Variants in KMT2C observed in about 807,000 individuals in gnomAD.
The protein encoded by KMT2C is histone-lysine N-methyltransferase 2C.
Under a neutral mutation model 507.9 loss-of-function variants are expected in KMT2C, and 88 were observed. That is an observed-to-expected ratio of 0.17 (90% CI 0.15 to 0.21). The LOEUF is 0.21. Ranked by LOEUF, KMT2C falls within the 10% of genes least tolerant of loss-of-function variation. The pLI is 1.00. For synonymous variants in KMT2C, 2,049 were observed against 2,080.8 expected (o/e 0.98, Z 0.42); for missense variants, 4,954 against 5,957.8 (o/e 0.83, Z 5.55).
rs1563479395 is a variant in KMT2C, at chr7:152,226,218, C to CATTTTTTTTTTTTTTTTTTTTTTTTTTTT, written c.2977-1603_2977-1602insAAAAAAAAAAAAAAAAAAAAAAAAAAAAT. Among the ~76,000 whole-genome samples the CATTTTTTTTTTTTTTTTTTTTTTTTTTTT allele has an allele frequency of 2.3e-5, 3 of 128,026 alleles. 1 individual carries two copies. The highest frequency in any genetic ancestry group is 9.7e-5 in the African/African-American group (3 of 30,954). The allele number at this position is 128,026 out of a possible 152,430, so 84.0% of individuals were successfully genotyped here. A position where few individuals can be genotyped will look rare whatever the true frequency, so the allele number is the denominator to read the frequency against. On this transcript the variant is annotated intron_variant, in intron 18 of 58. Coordinates refer to ENST00000262189, the MANE Select transcript of KMT2C (RefSeq NM_170606.3). Reference sequence around the variant, plus strand: ...CAAGAGTTGGTTGTTCATTACAAGGCCTTTTTTTTTTTTTTTTTTTTTTTT... The same window carrying CATTTTTTTTTTTTTTTTTTTTTTTTTTTT: ...CAAGAGTTGGTTGTTCATTACAAGGCATTTTTTTTTTTTTTTTTTTTTTTTTTTTCTTTTTTTTTTTTTTTTTTTTTTTT...
At chr7:152,257,691 A>G (rs963556477) in intron 9 of KMT2C, among the ~76,000 whole-genome samples, 1 of 152,126 alleles carries the variant, frequency 6.6e-6, no homozygotes, top group African/African-American at 2.4e-5. Context: ...TACTGGTGTA[A>G]ATTCATTATT....
rs780491145 is a variant in KMT2C, at chr7:152,330,712, T to G, written c.278A>C (p.Asp93Ala). Residue 93 changes from aspartate (D) to alanine (A), a missense_variant, in exon 3 of 59, where the codon GAT (aspartate) becomes GCT (alanine). Coordinates refer to ENST00000262189, the MANE Select transcript of KMT2C (RefSeq NM_170606.3). ...TEIKEQSAEE[D>A]AEAEVDNSKQ... ...GCTGTTATCCACTTCTGCTTCAGCA[T>G]CCTCTTCTGCAGATTGTTCTTTGAT... 6.2e-7 allele frequency: 1 copy of G among 1,613,902 alleles called. No individual in the cohort carries two copies. Among genetic ancestry groups the G allele is most frequent in the South Asian group, 1.1e-5 (1 of 91,076 alleles).
rs115994650 is a variant in KMT2C, at chr7:152,272,632, A to G, written c.1012+1073T>C. 8.2e-3 allele frequency among the ~76,000 whole-genome samples: 1,246 copies of G among 152,290 alleles called. 19 individuals carry two copies. The highest frequency in any genetic ancestry group is 0.029 in the African/African-American group (1,201 of 41,576). On this transcript the variant is annotated intron_variant, in intron 7 of 58. Coordinates refer to ENST00000262189, the MANE Select transcript of KMT2C (RefSeq NM_170606.3). ...AATCTAACGCATTTTAAAACTTTAAATCCCTTATTAGCCTAAATATAATTT... is the reference window on the plus strand; with the variant it reads ...AATCTAACGCATTTTAAAACTTTAAGTCCCTTATTAGCCTAAATATAATTT...
chr7:152,400,489 A>G (rs2097565985), intron 1 of KMT2C, among the ~76,000 whole-genome samples: 1 of 152,194 alleles, frequency 6.6e-6, no homozygotes. Flanking sequence ...TATGAAACAC[A>G]TCACCCACAA....
chr7:152,192,746 G>C (rs2093840357), intron 31 of KMT2C, among the ~76,000 whole-genome samples: 1 of 151,474 alleles, frequency 6.6e-6, no homozygotes, highest in Non-Finnish European at 1.5e-5. Context: ...TGTTAGTAAA[G>C]GTTACAAATT....
chr7:152,305,207 A>G (rs778474812), intron 6 of KMT2C, among the ~76,000 whole-genome samples: 2 of 152,194 alleles, frequency 1.3e-5, no homozygotes. Context: ...GAGATGAACA[A>G]TAAGTAAGAT....
intron 34 of KMT2C, among the ~76,000 whole-genome samples, chr7:152,183,746 A>T (rs1415709123): frequency 1.3e-5 from 2 of 151,994 alleles, no homozygotes; most frequent in Non-Finnish European, 2.9e-5. Context: ...AAAATACAAA[A>T]TTAGCCAGAT....
chr7:152,236,254 CG>C (rs2095271902), intron 15 of KMT2C, among the ~76,000 whole-genome samples: 1 of 134,200 alleles, frequency 7.5e-6, no homozygotes, highest in Non-Finnish European at 1.6e-5. Flanking sequence ...CCAGATATTT[CG>C]AAGTGCAACA....
In KMT2C at chr7:152,178,816, T is replaced by C. The variant is rs192413881; in HGVS notation, c.7443-806A>G. On this transcript the variant is annotated intron_variant, in intron 37 of 58. Transcript: ENST00000262189. ...CTAAAAGACATAAAACTAAAAAGCA[T>C]ATCTTAAAGAACTATTTCCTTATTA... is the stretch of plus-strand genomic sequence containing the variant. Among the ~76,000 whole-genome samples, 335 of 152,278 alleles carry C rather than the reference T, an allele frequency of 2.2e-3. 3 individuals are homozygous for C. Among genetic ancestry groups the C allele is most frequent in the Middle Eastern group, 0.01 (3 of 294 alleles).
intron 7 of KMT2C, among the ~76,000 whole-genome samples, chr7:152,270,647 T>C (rs929253576): frequency 6.6e-6 from 1 of 152,178 alleles, no homozygotes; most frequent in African/African-American, 2.4e-5. Flanking sequence ...CCCTGGAATG[T>C]TCTTTCCTCT....
intron 6 of KMT2C, among the ~76,000 whole-genome samples, chr7:152,281,102 A>C (rs1306678783): frequency 2.0e-5 from 3 of 152,198 alleles, no homozygotes; most frequent in Non-Finnish European, 4.4e-5. Flanking sequence ...TAATAGCTAT[A>C]ATCTTTAACA....
chr7:152,143,531 C>T (rs75255053), intron 55 of KMT2C, among the ~76,000 whole-genome samples: 7 of 152,274 alleles, frequency 4.6e-5, no homozygotes, highest in Non-Finnish European at 1.0e-4. Context: ...CCAGGTGACA[C>T]TGCTGCTTCT....
rs1022608668 is a variant in KMT2C at position 152,264,261 on chromosome 7, C to T, written c.1184+777G>A. Among the ~76,000 whole-genome samples the T allele has an allele frequency of 3.3e-5, 5 of 152,104 alleles. 1 individual carries two copies. The highest frequency in any genetic ancestry group is 3.3e-4 in the Admixed American group (5 of 15,272). On this transcript the variant is annotated intron_variant, in intron 8 of 58. Coordinates refer to ENST00000262189, the MANE Select transcript of KMT2C (RefSeq NM_170606.3). The stretch of plus-strand genomic sequence containing the variant: ...TATCAAACTAAATAATAAAAACAGA[C>T]TGATCATGGCAGTTGGGCATAATTC...
intron 1 of KMT2C, among the ~76,000 whole-genome samples, chr7:152,385,295 G>A (rs1235718500): frequency 1.3e-5 from 2 of 150,704 alleles, no homozygotes; most frequent in African/African-American, 4.9e-5. Context: ...CAATAAGTAA[G>A]CCTTATTCAA....
chr7:152,305,957 A>G (rs2096612489), intron 6 of KMT2C, among the ~76,000 whole-genome samples: 1 of 152,196 alleles, frequency 6.6e-6, no homozygotes, highest in South Asian at 2.1e-4. Context: ...CATTGTTTCT[A>G]TGCCCTCTCA....
chr7:152,249,541 C>T (rs2095528942), intron 13 of KMT2C, among the ~76,000 whole-genome samples: 1 of 151,416 alleles, frequency 6.6e-6, no homozygotes, highest in African/African-American at 2.4e-5. Flanking sequence ...CAGGCCTATA[C>T]ATGTTCTGAT....
In KMT2C at chr7:152,187,703, T is replaced by C. The variant is rs760122230; in HGVS notation, c.4793+12A>G. ...GTGCAATTTAAGTTTCCATAGAAAA[T>C]AAGGCTTGTACCTGGCATCAGGATA... On this transcript the variant is annotated intron_variant, in intron 32 of 58. Coordinates refer to ENST00000262189, the MANE Select transcript of KMT2C (RefSeq NM_170606.3). The C allele has an allele frequency of 8.1e-6, 13 of 1,603,174 alleles. 1 individual carries two copies. The South Asian group carries it at 1.5e-4, about 18-fold the overall frequency.
In KMT2C at chr7:152,145,276, C is replaced by T. The variant is rs772115601; in HGVS notation, c.14051G>A (p.Cys4684Tyr). Residue 4684 changes from cysteine to tyrosine, a missense_variant, in exon 54 of 59, where the codon TGT (cysteine) becomes TAT (tyrosine). Around this residue, in one of 29 missense-constraint regions of KMT2C, gnomAD observed 221 missense variants for 304.7 expected, o/e 0.73. Transcript: ENST00000262189. ...GCCGTATCGGAAGGTATAATTTTCA[C>T]ATGCCTCAACCCCAGGAAGCTGAAA... is the stretch of plus-strand genomic sequence containing the variant. Reference protein sequence around the residue: ...IAESLPGVEACENYTFRYGRN... With the variant: ...IAESLPGVEAYENYTFRYGRN... 1 of 1,614,136 alleles carries T rather than the reference C, an allele frequency of 6.2e-7. No individual in the cohort carries two copies. The highest frequency in any genetic ancestry group is 8.5e-7 in the Non-Finnish European group (1 of 1,180,000).
intron 4 of KMT2C, among the ~76,000 whole-genome samples, chr7:152,313,081 CAT>C (rs764742236): frequency 3.3e-5 from 5 of 152,048 alleles, no homozygotes; most frequent in Non-Finnish European, 5.9e-5. Context: ...ATTAGAAATG[CAT>C]AGACTTTTTT....
Sources: allele counts gnomAD v4.1 joint callset (sites outside exome capture counted in the v4.1 genomes callset), GRCh38; gene constraint gnomAD v4.1.1; regional missense constraint gnomAD v4.1.1; transcripts MANE v1.5; gene names NCBI Gene and HGNC (gene_info 2026-07-23, HGNC 2026-07-21).